The following ADAMTS19 variants were observed in gnomAD, a reference collection of about 807,000 sequenced individuals.
ADAMTS19 encodes A disintegrin and metalloproteinase with thrombospondin motifs 19.
Under a neutral mutation model 153.3 loss-of-function variants are expected in ADAMTS19, and 93 were observed. That is an observed-to-expected ratio of 0.61 (90% CI 0.51 to 0.72). The LOEUF (loss-of-function observed/expected upper bound fraction) is 0.72. Among genes scored for constraint, ADAMTS19 ranks in the 30% least tolerant of loss-of-function variants. The pLI is 0.00. For missense variants in ADAMTS19, 1,482 were observed against 1,552.1 expected (o/e 0.95, Z 0.76); for synonymous variants, 600 against 556.6 (o/e 1.08, Z -1.10).
chr5:129,713,138 T>C lies in ADAMTS19; in HGVS notation c.3312+8747T>C, dbSNP rs569976685. Among the ~76,000 whole-genome samples, 12 of 152,340 alleles carry C rather than the reference T, an allele frequency of 7.9e-5. No homozygotes were observed. The South Asian group carries it at 2.5e-3, about 32-fold the overall frequency. ...ATGGAGTTACTTTTGATATTCCTTA[T>C]AGAAGGATGGAGCATACATGCTAAA... On this transcript the variant is annotated intron_variant, in intron 21 of 22. Transcript: ENST00000274487.
chr5:129,619,735 G>A (rs1429256550), intron 8 of ADAMTS19, among the ~76,000 whole-genome samples: 5 of 151,868 alleles, frequency 3.3e-5, no homozygotes, highest in African/African-American at 2.4e-5. Context: ...ATAAGGATAC[G>A]ATACAATAAT....
chr5:129,490,008 T>A lies in ADAMTS19; in HGVS notation c.748-19069T>A, dbSNP rs1446119810. 2.0e-5 allele frequency among the ~76,000 whole-genome samples: 3 copies of A among 152,230 alleles called. No homozygotes were observed. In the East Asian group the frequency reaches 5.8e-4, roughly 29 times the overall value. On this transcript the variant is annotated intron_variant, in intron 2 of 22. Transcript: ENST00000274487. ...ACCTATTAGGTACTTTGGAATTAAT[T>A]AAATTAATGCAGAATAGTAAATTTA...
chr5:129,505,801 A>G (rs1751251254), intron 2 of ADAMTS19, among the ~76,000 whole-genome samples: 1 of 152,182 alleles, frequency 6.6e-6, no homozygotes, highest in Non-Finnish European at 1.5e-5. Flanking sequence ...GAAATAAATT[A>G]GAAAACAACT....
intron 20 of ADAMTS19, 147 bp downstream of exon 20, chr5:129,701,739 C>G: frequency 4.5e-6 from 4 of 895,204 alleles, no homozygotes; most frequent in Non-Finnish European, 6.5e-6. Context: ...GGAATACATT[C>G]AAATAATTTT....
intron 8 of ADAMTS19, among the ~76,000 whole-genome samples, chr5:129,617,385 T>C (rs1022477495): frequency 1.3e-5 from 2 of 152,072 alleles, no homozygotes; most frequent in African/African-American, 4.8e-5. Context: ...TAATCATCCA[T>C]ATTTGGAAAA....
At chr5:129,563,757 T>C (rs1753604904) in intron 7 of ADAMTS19, among the ~76,000 whole-genome samples, 1 of 152,184 alleles carries the variant, frequency 6.6e-6, no homozygotes, top group South Asian at 2.1e-4. Flanking sequence ...GATATGCAAA[T>C]AGAATATATT....
In ADAMTS19 at chr5:129,678,759, T is replaced by C. The variant is rs1478414158; in HGVS notation, c.2507-1005T>C. ...TAAGGGAAATATTCAGATATACACATAATTAGTATATAGCATATTTATTTA... is the reference window on the plus strand; with the variant it reads ...TAAGGGAAATATTCAGATATACACACAATTAGTATATAGCATATTTATTTA... On this transcript the variant is annotated intron_variant, in intron 16 of 22. Coordinates refer to ENST00000274487, the MANE Select transcript of ADAMTS19 (RefSeq NM_133638.6). Among the ~76,000 whole-genome samples, 5 of 152,196 alleles carry C rather than the reference T, an allele frequency of 3.3e-5. No individual in the cohort carries two copies. The East Asian group carries it at 7.7e-4, about 23-fold the overall frequency.
intron 10 of ADAMTS19, among the ~76,000 whole-genome samples, chr5:129,625,407 G>A (rs890838241): frequency 2.0e-5 from 3 of 152,078 alleles, no homozygotes; most frequent in African/African-American, 4.8e-5. Flanking sequence ...TTGAGGAATC[G>A]CCACACTGTC....
At chr5:129,622,105 G>A (rs796229703) in intron 9 of ADAMTS19, 93 bp from the exon 10 acceptor site, 1 of 1,230,140 alleles carries the variant, frequency 8.1e-7, no homozygotes. Flanking sequence ...ATATATTTTT[G>A]ATATTATTAA....
chr5:129,680,574 C>T (rs246444), intron 17 of ADAMTS19, among the ~76,000 whole-genome samples: 141,473 of 151,956 alleles, frequency 0.93, 65,936 homozygotes, highest in Middle Eastern at 0.98. Context: ...CTGACCAACA[C>T]GCTGAAACTC....
At chr5:129,662,595 C>A (rs991843033) in intron 15 of ADAMTS19, among the ~76,000 whole-genome samples, 3 of 152,160 alleles carry the variant, frequency 2.0e-5, no homozygotes, top group Non-Finnish European at 4.4e-5. Flanking sequence ...TAAACTCAAA[C>A]AAGAATTTGC....
intron 7 of ADAMTS19, among the ~76,000 whole-genome samples, chr5:129,590,996 G>A (rs1311466124): frequency 2.0e-5 from 3 of 152,152 alleles, no homozygotes; most frequent in Non-Finnish European, 1.5e-5. Flanking sequence ...ATGCGGAGAT[G>A]TGCTACATGG....
At chr5:129,493,120 GGTAA>G (rs2126694492) in intron 2 of ADAMTS19, among the ~76,000 whole-genome samples, 1 of 152,170 alleles carries the variant, frequency 6.6e-6, no homozygotes, top group South Asian at 2.1e-4. Context: ...AACCCAGAGT[GGTAA>G]GTAACATGGT....
intron 6 of ADAMTS19, among the ~76,000 whole-genome samples, chr5:129,547,365 C>A (rs184003659): frequency 6.6e-6 from 1 of 150,728 alleles, no homozygotes; most frequent in Non-Finnish European, 1.5e-5. Flanking sequence ...TGCAGTAAAG[C>A]CCATTTCAAA....
chr5:129,685,917 C>T (rs1259276753), intron 18 of ADAMTS19, among the ~76,000 whole-genome samples: 1 of 152,058 alleles, frequency 6.6e-6, no homozygotes, highest in African/African-American at 2.4e-5. Context: ...TCACTAGTAA[C>T]AGGAGAAAAG....
intron 8 of ADAMTS19, among the ~76,000 whole-genome samples, chr5:129,614,672 G>C (rs932073312): frequency 2.0e-4 from 31 of 152,246 alleles, no homozygotes; most frequent in African/African-American, 7.2e-4. Flanking sequence ...TCTAGTGTTG[G>C]AAGTTCTGGC....
At position 129,461,854 on chromosome 5, in the gene ADAMTS19, T is replaced by G. The variant is rs558608218; in HGVS notation, c.747+97T>G. The G allele has an allele frequency of 1.4e-6, 2 of 1,431,570 alleles. No individual in the cohort carries two copies. The highest frequency in any genetic ancestry group is 1.5e-5 in the African/African-American group (1 of 67,846). 88.7% of individuals were successfully genotyped at this position (1,431,570 alleles called of 1,614,324 possible). A position where few individuals can be genotyped will look rare whatever the true frequency, so the allele number is the denominator to read the frequency against. Reference sequence around the variant, plus strand: ...TTGCATGCACCTTCTCCCCTTTCAGTGTGCTCCTTTTGAGCTTGGCCCTAG... The same window carrying G: ...TTGCATGCACCTTCTCCCCTTTCAGGGTGCTCCTTTTGAGCTTGGCCCTAG... On this transcript the variant is annotated intron_variant, in intron 2 of 22. Transcript: ENST00000274487. The surrounding 1 kb of genome is among the most constrained non-coding windows in gnomAD (Gnocchi z 4.6).
At chr5:129,730,985 G>C (rs181976431) in intron 21 of ADAMTS19, among the ~76,000 whole-genome samples, 4 of 151,468 alleles carry the variant, frequency 2.6e-5, no homozygotes, top group Non-Finnish European at 5.9e-5. Context: ...TTGAGACAGA[G>C]TCTCACTCTG....
chr5:129,688,943 T>G (rs572033909), intron 18 of ADAMTS19, among the ~76,000 whole-genome samples: 2 of 152,284 alleles, frequency 1.3e-5, no homozygotes, highest in East Asian at 3.9e-4. Flanking sequence ...CCTTTTGACA[T>G]TGAAGACCTG....
Sources: gnomAD v4.1 joint callset for allele counts (sites outside exome capture counted in the v4.1 genomes callset) on GRCh38, gnomAD v4.1.1 for gene constraint, Gnocchi (gnomAD v3.1) non-coding constraint, MANE v1.5 for transcripts, NCBI Gene and HGNC (gene_info 2026-07-23, HGNC 2026-07-21) for gene names.